ARHGAP44: variants seen among roughly 807,000 people sequenced by gnomAD.
ARHGAP44 encodes the protein Rho GTPase activating protein 44, also known as rho GTPase-activating protein 44.
Under a neutral mutation model 106.8 loss-of-function variants are expected in ARHGAP44, and 43 were observed. The observed-to-expected ratio is 0.40, with a 90% CI of 0.32 to 0.52. The LOEUF is 0.52. Ranked by LOEUF, ARHGAP44 falls within the 20% of genes least tolerant of loss-of-function variation. ARHGAP44 has a pLI of 0.48. For missense variants in ARHGAP44, 866 were observed against 1,050.5 expected (o/e 0.82, Z 2.43); for synonymous variants, 439 against 410.3 (o/e 1.07, Z -0.85).
chr17:12,927,733 C>G (rs1300125754), intron 6 of ARHGAP44, among the ~76,000 whole-genome samples: 1 of 152,126 alleles, frequency 6.6e-6, no homozygotes, highest in Non-Finnish European at 1.5e-5. Context: ...AGGATCCCTC[C>G]TACCAAGTTC....
chr17:12,901,810 G>A (rs967233975), intron 3 of ARHGAP44, among the ~76,000 whole-genome samples: 25 of 152,010 alleles, frequency 1.6e-4, no homozygotes, highest in Non-Finnish European at 3.1e-4. Context: ...GTAAATCCAC[G>A]CACTTGCTCC....
At position 12,941,068 on chromosome 17, in the gene ARHGAP44, G is replaced by A; in HGVS notation, c.595G>A (p.Ala199Thr). 6.2e-7 allele frequency: 1 copy of A among 1,613,982 alleles called. No homozygotes were observed. The highest frequency in any genetic ancestry group is 8.5e-7 in the Non-Finnish European group (1 of 1,179,878). Residue 199 changes from alanine to threonine, a missense_variant, in exon 8 of 21, where the codon GCT becomes ACT. Ala to Thr is a moderately conservative substitution (Grantham distance 58). This residue lies in a region of ARHGAP44 where 448 missense variants were observed against 646.9 expected (regional missense o/e 0.69). Coordinates refer to ENST00000379672, the MANE Select transcript of ARHGAP44 (RefSeq NM_014859.6). ...RVEICRDQLS[A>T]DMYSFVAKEI... The stretch of plus-strand genomic sequence containing the variant: ...TTACCTTGCACAGGACCAGCTCTCA[G>A]CTGATATGTACAGTTTTGTGGCCAA...
chr17:12,879,222 T>C (rs1230691388), intron 1 of ARHGAP44, among the ~76,000 whole-genome samples: 2 of 152,186 alleles, frequency 1.3e-5, no homozygotes, highest in East Asian at 3.9e-4. Context: ...GAACACACGA[T>C]GTTTGGTTTT....
intron 10 of ARHGAP44, among the ~76,000 whole-genome samples, chr17:12,948,193 C>T (rs562342890): frequency 6.6e-6 from 1 of 152,218 alleles, no homozygotes; most frequent in Non-Finnish European, 1.5e-5. Flanking sequence ...ACACAGCCCT[C>T]TCCTCTTCTC....
At chr17:12,838,467 C>G (rs1444943890) in intron 1 of ARHGAP44, among the ~76,000 whole-genome samples, 2 of 152,152 alleles carry the variant, frequency 1.3e-5, no homozygotes, top group South Asian at 4.1e-4. Context: ...TAGCCTCTGA[C>G]TGACTGATTT....
intron 3 of ARHGAP44, among the ~76,000 whole-genome samples, chr17:12,901,775 G>T (rs2037381230): frequency 6.6e-6 from 1 of 152,082 alleles, no homozygotes; most frequent in African/African-American, 2.4e-5. Context: ...CCAGCAAAGA[G>T]GGCAGAGCAG....
At chr17:12,932,796 C>T (rs1403843527) in intron 7 of ARHGAP44, among the ~76,000 whole-genome samples, 1 of 151,560 alleles carries the variant, frequency 6.6e-6, no homozygotes, top group Non-Finnish European at 1.5e-5. Context: ...ATTTCACTAT[C>T]TAATTACTCT....
Position 12,987,228 on chromosome 17 carries a change from C to A in ARHGAP44, c.2317+2320C>A. The A allele has an allele frequency of 2.2e-6, 3 of 1,334,234 alleles. No homozygotes were observed. The South Asian group carries it at 4.0e-5, about 18-fold the overall frequency. The allele number at this position is 1,334,234 out of a possible 1,614,324, so 82.6% of individuals were successfully genotyped here. A position where few individuals can be genotyped will look rare whatever the true frequency, so the allele number is the denominator to read the frequency against. On this transcript the variant is annotated intron_variant, in intron 20 of 20. Coordinates refer to ENST00000379672, the MANE Select transcript of ARHGAP44 (RefSeq NM_014859.6). Reference sequence around the variant, plus strand: ...CTGCCCGCTCCTCCCCTCCGCTCCTCGTCTCTGCATGTGGCTCAGACCATT... The same window carrying A: ...CTGCCCGCTCCTCCCCTCCGCTCCTAGTCTCTGCATGTGGCTCAGACCATT...
At chr17:12,943,437 CATGCTCGTT>C (rs1293980946) in intron 8 of ARHGAP44, 142 bp from the exon 9 acceptor site, 1 of 641,850 alleles carries the variant, frequency 1.6e-6, no homozygotes, top group Non-Finnish European at 2.7e-6. Flanking sequence ...AAAGAGGAAG[CATGCTCGTT>C]ATTTTAGGTA....
chr17:12,840,869 C>T (rs4792287), intron 1 of ARHGAP44, among the ~76,000 whole-genome samples: 29,560 of 152,052 alleles, frequency 0.19, 3,837 homozygotes, highest in African/African-American at 0.37. Context: ...CTGATGACCG[C>T]GATGTGAACA....
rs183433771 is a variant in ARHGAP44, at chr17:12,853,352, G to C, written c.54-41588G>C. On this transcript the variant is annotated intron_variant, in intron 1 of 20. Transcript: ENST00000379672. ...CATCATCTACATTTATAGCATATTAGACACTGAAGGACCGAAACGTGTCAT... is the reference window on the plus strand; with the variant it reads ...CATCATCTACATTTATAGCATATTACACACTGAAGGACCGAAACGTGTCAT... 7.2e-5 allele frequency among the ~76,000 whole-genome samples: 11 copies of C among 152,302 alleles called. No homozygotes were observed. In the East Asian group the frequency reaches 2.1e-3, roughly 29 times the overall value.
chr17:12,956,866 A>AACACAC (rs3076699), intron 15 of ARHGAP44, 120 bp downstream of exon 15: 262 of 622,026 alleles, frequency 4.2e-4, no homozygotes, highest in African/African-American at 2.1e-3. Flanking sequence ...TTCCCCTATA[A>AACACAC]ACACACACAC....
At chr17:12,902,302 G>A (rs889391027) in intron 3 of ARHGAP44, among the ~76,000 whole-genome samples, 1 of 152,086 alleles carries the variant, frequency 6.6e-6, no homozygotes, top group African/African-American at 2.4e-5. Context: ...CCTCCGCAGG[G>A]AATGCTCTTA....
Position 12,989,945 on chromosome 17 carries a change from C to T in ARHGAP44, c.2318-87C>T, listed in dbSNP as rs2040078248. On this transcript the variant is annotated intron_variant, in intron 20 of 20. Transcript: ENST00000379672. Reference sequence around the variant, plus strand: ...CCCTAGAATAGCAGCACCCCTGCCTCCTAAGGCTGACATTATTTGCCTACA... The same window carrying T: ...CCCTAGAATAGCAGCACCCCTGCCTTCTAAGGCTGACATTATTTGCCTACA... 3.0e-5 allele frequency: 47 copies of T among 1,549,164 alleles called. 2 individuals are homozygous for T. The South Asian group carries it at 3.2e-4, about 11-fold the overall frequency.
intron 1 of ARHGAP44, among the ~76,000 whole-genome samples, chr17:12,889,199 A>G (rs1409668040): frequency 1.3e-5 from 2 of 151,622 alleles, no homozygotes; most frequent in Non-Finnish European, 2.9e-5. Flanking sequence ...TTGTATTCCT[A>G]TGGGTTAATT....
Position 12,828,636 on chromosome 17 carries a change from C to T in ARHGAP44, c.53+38745C>T, listed in dbSNP as rs199989290. Among the ~76,000 whole-genome samples, 444 of 93,170 alleles carry T rather than the reference C, an allele frequency of 4.8e-3. 5 individuals carry two copies. Among genetic ancestry groups the T allele is most frequent in the African/African-American group, 0.016 (348 of 22,120 alleles). The allele number at this position is 93,170 out of a possible 152,430, so 61.1% of individuals were successfully genotyped here. A position where few individuals can be genotyped will look rare whatever the true frequency, so the allele number is the denominator to read the frequency against. On this transcript the variant is annotated intron_variant, in intron 1 of 20. Coordinates refer to ENST00000379672, the MANE Select transcript of ARHGAP44 (RefSeq NM_014859.6). The stretch of plus-strand genomic sequence containing the variant: ...TTTTCTTTTGGATTTTTTTTTCTTT[C>T]TTTTTTTTTTTTTTTTTTTTTTAAA...
At chr17:12,825,940 G>A (rs1230782109) in intron 1 of ARHGAP44, among the ~76,000 whole-genome samples, 1 of 152,176 alleles carries the variant, frequency 6.6e-6, no homozygotes, top group Non-Finnish European at 1.5e-5. Flanking sequence ...ATGCCAGTGA[G>A]TGTTGTACAT....
At chr17:12,831,591 A>G (rs1402210904) in intron 1 of ARHGAP44, among the ~76,000 whole-genome samples, 2 of 152,180 alleles carry the variant, frequency 1.3e-5, no homozygotes, top group Non-Finnish European at 2.9e-5. Context: ...TTTGCTGGCA[A>G]TGATCCAAGA....
At chr17:12,922,170 A>T (rs748113252) in intron 6 of ARHGAP44, among the ~76,000 whole-genome samples, 9 of 152,210 alleles carry the variant, frequency 5.9e-5, no homozygotes, top group Non-Finnish European at 1.2e-4. Flanking sequence ...AGCAAAGCCA[A>T]TGTTACTAAA....
Sources: gnomAD v4.1 joint callset for allele counts (sites outside exome capture counted in the v4.1 genomes callset) on GRCh38, gnomAD v4.1.1 for gene constraint, gnomAD v4.1.1 regional missense constraint, MANE v1.5 for transcripts, NCBI Gene and HGNC (gene_info 2026-07-23, HGNC 2026-07-21) for gene names.